Variants in DRC1 observed in about 807,000 individuals in gnomAD.
DRC1 encodes the protein dynein regulatory complex protein 1.
A neutral mutation model predicts 98.7 loss-of-function variants in DRC1; 74 were observed. That is an observed-to-expected ratio of 0.75 (90% CI 0.62 to 0.91). The LOEUF is 0.91. Ranked by LOEUF, DRC1 falls within the 40% of genes least tolerant of loss-of-function variation. The pLI is 0.00. For synonymous variants in DRC1, 336 were observed against 334.1 expected (o/e 1.01, Z -0.06); for missense variants, 875 against 886.0 (o/e 0.99, Z 0.16).
chr2:26,426,321 G>T (rs1467619576), intron 4 of DRC1, among the ~76,000 whole-genome samples: 2 of 151,520 alleles, frequency 1.3e-5, no homozygotes, highest in African/African-American at 2.4e-5. Flanking sequence ...TTTTATGTCA[G>T]TACAACATTC....
intron 7 of DRC1, among the ~76,000 whole-genome samples, chr2:26,437,387 G>A (rs13410692): frequency 0.064 from 9,671 of 152,272 alleles, 760 homozygotes; most frequent in African/African-American, 0.18. Flanking sequence ...AGGGTCCTTT[G>A]TAGTTGTAGT....
At chr2:26,404,369 G>C (rs1678353011) in intron 1 of DRC1, among the ~76,000 whole-genome samples, 1 of 152,126 alleles carries the variant, frequency 6.6e-6, no homozygotes, top group South Asian at 2.1e-4. Context: ...TATTTTTCCT[G>C]ATTGAGGTAG....
At chr2:26,403,847 T>C (rs1678335584) in intron 1 of DRC1, among the ~76,000 whole-genome samples, 1 of 144,224 alleles carries the variant, frequency 6.9e-6, no homozygotes, top group Non-Finnish European at 1.5e-5. Flanking sequence ...ATGCCTGTAA[T>C]CCCAAAACTT....
intron 2 of DRC1, among the ~76,000 whole-genome samples, chr2:26,416,958 T>C (rs1229182449): frequency 6.6e-6 from 1 of 152,082 alleles, no homozygotes; most frequent in African/African-American, 2.4e-5. Context: ...GAAGCAGGCA[T>C]CTCACATGGC....
chr2:26,455,587 T>C (rs1457619958), intron 16 of DRC1, among the ~76,000 whole-genome samples: 3 of 152,204 alleles, frequency 2.0e-5, no homozygotes, highest in Admixed American at 6.5e-5. Context: ...ACACCCGCTG[T>C]GTGAGGTGGA....
intron 16 of DRC1, 42 bp downstream of exon 16, chr2:26,455,275 G>A (rs779345828): frequency 5.7e-6 from 9 of 1,580,536 alleles, no homozygotes; most frequent in South Asian, 2.2e-5. Context: ...CGGGAGACAC[G>A]GGTGGGGCAG....
chr2:26,440,297 T>A, intron 7 of DRC1, 81 bp from the exon 8 acceptor site: 1 of 1,391,088 alleles, frequency 7.2e-7, no homozygotes. Flanking sequence ...ATACTAAGGA[T>A]GCAGGTGTAG....
rs72813843 is a variant in DRC1, at chr2:26,446,707, T to G, written c.1396+1759T>G. Among the ~76,000 whole-genome samples, 704 of 152,214 alleles carry G rather than the reference T, an allele frequency of 4.6e-3. 1 individual carries two copies. The highest frequency in any genetic ancestry group is 8.4e-3 in the Non-Finnish European group (574 of 68,014). ...AAATATCAGCCCTGCCACCAACAAA[T>G]GATTACTAAAGACAGTTTACACTGT... On this transcript the variant is annotated intron_variant, in intron 10 of 16. Transcript: ENST00000288710.
chr2:26,434,839 C>T (rs1184941649), intron 7 of DRC1, among the ~76,000 whole-genome samples: 4 of 149,386 alleles, frequency 2.7e-5, no homozygotes, highest in Admixed American at 6.7e-5. Flanking sequence ...TGCAGTCAGC[C>T]GAGATTTCAC....
chr2:26,402,034 C>G lies in DRC1; in HGVS notation c.45C>G (p.Asp15Glu), dbSNP rs751667577. The G allele has an allele frequency of 6.2e-7, 1 of 1,612,888 alleles. No homozygotes were observed. ...GSLEALDPNV[D>E]EHLSTQILAP... ...TAGAGGCCCTGGACCCGAACGTGGA[C>G]GAGCACTTGTCCACCCAGATTCTCG... The change falls in exon 1 of 17, where the codon GAC (aspartate) becomes GAG (glutamate). Residue 15 changes from aspartate (D) to glutamate (E), a missense_variant. Asp to Glu is a conservative substitution (Grantham distance 45). Coordinates refer to ENST00000288710, the MANE Select transcript of DRC1 (RefSeq NM_145038.5).
intron 2 of DRC1, among the ~76,000 whole-genome samples, chr2:26,420,111 A>G (rs1327807546): frequency 6.6e-6 from 1 of 152,154 alleles, no homozygotes; most frequent in East Asian, 1.9e-4. Flanking sequence ...TTATCTGCTC[A>G]TCACCTTTTA....
chr2:26,450,503 C>T (rs1663973420), intron 12 of DRC1, 89 bp from the exon 13 acceptor site: 1 of 1,219,752 alleles, frequency 8.2e-7, no homozygotes, highest in South Asian at 1.4e-5. Flanking sequence ...GCCAAGCCTC[C>T]CGCTCTTAGG....
intron 1 of DRC1, among the ~76,000 whole-genome samples, chr2:26,410,827 C>A (rs916969207): frequency 1.5e-4 from 22 of 151,720 alleles, no homozygotes; most frequent in East Asian, 3.9e-4. Context: ...AAACAAAACA[C>A]AACAAAACAA....
chr2:26,406,070 A>C (rs1401352976), intron 1 of DRC1, among the ~76,000 whole-genome samples: 1 of 152,204 alleles, frequency 6.6e-6, no homozygotes, highest in Non-Finnish European at 1.5e-5. Context: ...AGTCTGTGCG[A>C]GCCTGGAAGC....
intron 1 of DRC1, among the ~76,000 whole-genome samples, chr2:26,410,680 A>C (rs1294027087): frequency 6.6e-6 from 1 of 152,176 alleles, no homozygotes; most frequent in Non-Finnish European, 1.5e-5. Flanking sequence ...CATGTCTCAG[A>C]CCTGAAGATC....
chr2:26,421,443 T>A, intron 3 of DRC1, 43 bp downstream of exon 3: 2 of 1,540,398 alleles, frequency 1.3e-6, no homozygotes, highest in Non-Finnish European at 1.8e-6. Flanking sequence ...ATGAAGGTAA[T>A]CTCCATGGGT....
chr2:26,456,293 G>A (rs1195234283), intron 16 of DRC1, among the ~76,000 whole-genome samples, 168 bp from the exon 17 acceptor site: 7 of 152,228 alleles, frequency 4.6e-5, no homozygotes, highest in East Asian at 1.9e-4. Flanking sequence ...AGGCTCAGGC[G>A]TGTCTCCTGC....
Position 26,414,438 on chromosome 2 carries a change from A to G in DRC1, c.243+7A>G, listed in dbSNP as rs372851652. ...GAAAGAAGAAAGCCGATTGGTATGA[A>G]CTGGTTGGCAGATGGGCTCTGGAAG... On this transcript the variant is annotated splice_region_variant and intron_variant, in intron 2 of 16. Transcript: ENST00000288710. 6 of 1,613,062 alleles carry G rather than the reference A, an allele frequency of 3.7e-6. No homozygotes were observed. The African/African-American group carries it at 6.7e-5, about 18-fold the overall frequency.
intron 6 of DRC1, among the ~76,000 whole-genome samples, chr2:26,431,555 A>G (rs1185167896): frequency 6.6e-6 from 1 of 152,164 alleles, no homozygotes; most frequent in Non-Finnish European, 1.5e-5. Context: ...CCAAGATCCA[A>G]TAGACTTTTT....
Sources: allele counts gnomAD v4.1 joint callset (sites outside exome capture counted in the v4.1 genomes callset), GRCh38; gene constraint gnomAD v4.1.1; transcripts MANE v1.5; gene names NCBI Gene and HGNC (gene_info 2026-07-23, HGNC 2026-07-21).